Variants in ACOT4 observed in about 807,000 individuals in gnomAD.
ACOT4 encodes acyl-CoA thioesterase 4, also known as peroxisomal succinyl-coenzyme A thioesterase.
In ACOT4, 18 loss-of-function variants were observed where a neutral mutation model predicts 17.1. The ratio of observed to expected loss-of-function variants is 1.05; its 90% CI spans 0.73 to 1.56. The LOEUF (loss-of-function observed/expected upper bound fraction) is 1.56, where lower values mean the gene tolerates loss of function less well. Ranked by LOEUF, ACOT4 falls within the 40% of genes most tolerant of loss-of-function variation. The probability of loss-of-function intolerance (pLI) is 0.00; values close to 1 mark genes in which losing one functional copy is unlikely to be tolerated. For synonymous variants in ACOT4, 234 were observed against 236.6 expected, an observed-to-expected ratio of 0.99 and a Z score of 0.10; for missense variants, 574 against 557.2, an observed-to-expected ratio of 1.03 and a Z score of -0.30.
At chr14:73,594,524 G>T (rs1890213311) in intron 2 of ACOT4, among the ~76,000 whole-genome samples, 2 of 152,148 alleles carry the variant, frequency 1.3e-5, no homozygotes, top group Non-Finnish European at 2.9e-5. Context: ...GTGATTTTAA[G>T]ATGTGTTTGC....
At position 73,592,196 on chromosome 14, in the gene ACOT4, G is replaced by T. The variant is rs1452314280; in HGVS notation, c.237G>T (p.Gly79=). ...GCTTCGCGGGACTCGAGCCCATGGG[G>T]CTGCTCTGGGCCCTGGAACCCGAGA... ...GGSFAGLEPM[G]LLWALEPEKP... Residue 79 remains glycine, a synonymous_variant, in exon 1 of 3, where the codon GGG becomes GGT. Transcript: ENST00000326303. The T allele has an allele frequency of 6.8e-6, 11 of 1,611,168 alleles. No individual in the cohort carries two copies. The highest frequency in any genetic ancestry group is 8.5e-6 in the Non-Finnish European group (10 of 1,178,830).
Position 73,595,051 on chromosome 14 carries a change from A to C in ACOT4, c.663A>C (p.Val221=), listed in dbSNP as rs1193355944. ...AVCYMLQHPQ[V]KGPGIGLLGI... ...TCTCCTCTCTTCTTTTCTTCCAGGT[A>C]AAAGGCCCAGGCATTGGGCTTTTGG... The change falls in exon 3 of 3, where the codon GTA becomes GTC. Residue 221 remains valine, a splice_region_variant and synonymous_variant. Coordinates refer to ENST00000326303, the MANE Select transcript of ACOT4 (RefSeq NM_152331.4). 1 of 1,612,842 alleles carries C rather than the reference A, an allele frequency of 6.2e-7. No individual in the cohort carries two copies. Among genetic ancestry groups the C allele is most frequent in the Non-Finnish European group, 8.5e-7 (1 of 1,179,648 alleles).
rs769712013 is a variant in ACOT4 at position 73,592,269 on chromosome 14, G to A, written c.310G>A (p.Val104Met). 3.7e-6 allele frequency: 6 copies of A among 1,613,046 alleles called. No homozygotes were observed. The East Asian group carries it at 1.1e-4, about 30-fold the overall frequency. Residue 104 changes from valine to methionine, a missense_variant, in exon 1 of 3, where the codon GTG becomes ATG. By Grantham distance (21) the Val-to-Met change is conservative (BLOSUM62 1). Coordinates refer to ENST00000326303, the MANE Select transcript of ACOT4 (RefSeq NM_152331.4). ...GCGGGACGTACAGATTCCTTTTGTC[G>A]TGGAGTTGGAGGTGCTGGACGGCCA... ...LKRDVQIPFV[V>M]ELEVLDGHDP...
chr14:73,593,857 C>T lies in ACOT4; in HGVS notation c.613C>T (p.Leu205=). The change falls in exon 2 of 3, where the codon CTG becomes TTG. Residue 205 remains leucine (L), a synonymous_variant. Transcript: ENST00000326303. The part of the protein sequence containing the change: ...DLPNNMDNIS[L]EYFEEAVCYM... ...CCCCAATAACATGGACAACATATCC[C>T]TGGAGTACTTCGAAGAAGCCGTATG... The T allele has an allele frequency of 6.2e-7, 1 of 1,613,958 alleles. No homozygotes were observed. Among genetic ancestry groups the T allele is most frequent in the Middle Eastern group, 1.6e-4 (1 of 6,062 alleles).
At position 73,592,104 on chromosome 14, in the gene ACOT4, C is replaced by A; in HGVS notation, c.145C>A (p.His49Asn). The A allele has an allele frequency of 6.6e-7, 1 of 1,507,910 alleles. No individual in the cohort carries two copies. Among genetic ancestry groups the A allele is most frequent in the Non-Finnish European group, 8.8e-7 (1 of 1,130,762 alleles). The allele number at this position is 1,507,910 out of a possible 1,614,324, so 93.4% of individuals were successfully genotyped here. ...CGAGAAGGGCGCGCTCTTCCGGGCCCACGCGCGCTACTGCGCCGACGCCCG... is the reference window on the plus strand; with the variant it reads ...CGAGAAGGGCGCGCTCTTCCGGGCCAACGCGCGCTACTGCGCCGACGCCCG... ...RDEKGALFRAHARYCADARGE... is the reference protein window; with the variant it reads ...RDEKGALFRANARYCADARGE... The change falls in exon 1 of 3, where the codon CAC becomes AAC. Residue 49 changes from histidine to asparagine, a missense_variant. Physicochemically the swap from His to Asn is moderately conservative, Grantham distance 68 (BLOSUM62 1). Coordinates refer to ENST00000326303, the MANE Select transcript of ACOT4 (RefSeq NM_152331.4).
At chr14:73,593,670 A>G in intron 1 of ACOT4, 32 bp from the exon 2 acceptor site, 1 of 1,561,924 alleles carries the variant, frequency 6.4e-7, no homozygotes, top group South Asian at 1.2e-5. Flanking sequence ...AAATTGTATA[A>G]TGGCTTACAT....
Position 73,595,541 on chromosome 14 carries a change from G to C in ACOT4, c.1153G>C (p.Gly385Arg). ...HRLLNKHVIW[G>R]GEPRAHSKAQ... Reference sequence around the variant, plus strand: ...ATTACTGAACAAACATGTTATATGGGGTGGGGAGCCCAGGGCTCATTCTAA... The same window carrying C: ...ATTACTGAACAAACATGTTATATGGCGTGGGGAGCCCAGGGCTCATTCTAA... Residue 385 changes from glycine to arginine, a missense_variant, in exon 3 of 3, where the codon GGT (glycine) becomes CGT (arginine). Gly to Arg is a moderately radical substitution (Grantham distance 125). Transcript: ENST00000326303. 6.2e-7 allele frequency: 1 copy of C among 1,609,408 alleles called. No homozygotes were observed. The highest frequency in any genetic ancestry group is 8.5e-7 in the Non-Finnish European group (1 of 1,176,216).
rs139986473 is a variant in ACOT4 at position 73,592,664 on chromosome 14, C to T, written c.457+248C>T. 6.6e-3 allele frequency among the ~76,000 whole-genome samples: 1,003 copies of T among 152,212 alleles called. 15 individuals carry two copies. The highest frequency in any genetic ancestry group is 0.023 in the African/African-American group (967 of 41,522). On this transcript the variant is annotated intron_variant, in intron 1 of 2. Transcript: ENST00000326303. ...GATCAGGAGTTTGAGACCAGACTGG[C>T]CAGCATGGTGAAACGCTGACTCTAC...
chr14:73,592,200 C>T lies in ACOT4; in HGVS notation c.241C>T (p.Leu81Phe), dbSNP rs1255051947. Reference protein sequence around the residue: ...SFAGLEPMGLLWALEPEKPFW... With the variant: ...SFAGLEPMGLFWALEPEKPFW... ...CGCGGGACTCGAGCCCATGGGGCTG[C>T]TCTGGGCCCTGGAACCCGAGAAGCC... The change falls in exon 1 of 3, where the codon CTC becomes TTC. Residue 81 changes from leucine to phenylalanine, a missense_variant. Physicochemically the swap from Leu to Phe is conservative, Grantham distance 22. Transcript: ENST00000326303. 1.2e-6 allele frequency: 2 copies of T among 1,612,186 alleles called. No individual in the cohort carries two copies. The highest frequency in any genetic ancestry group is 2.2e-5 in the South Asian group (2 of 90,852).
rs1220000305 is a variant in ACOT4 at position 73,592,081 on chromosome 14, A to G, written c.122A>G (p.Glu41Gly). ...RVTLRASLRD[E>G]KGALFRAHAR... Reference sequence around the variant, plus strand: ...ACGCTGCGCGCGTCCCTGCGCGACGAGAAGGGCGCGCTCTTCCGGGCCCAC... The same window carrying G: ...ACGCTGCGCGCGTCCCTGCGCGACGGGAAGGGCGCGCTCTTCCGGGCCCAC... The change falls in exon 1 of 3, where the codon GAG (glutamate) becomes GGG (glycine). Residue 41 changes from glutamate to glycine, a missense_variant. By Grantham distance (98) the Glu-to-Gly change is moderately conservative (BLOSUM62 -2). Transcript: ENST00000326303. 6.7e-7 allele frequency: 1 copy of G among 1,487,444 alleles called. No individual in the cohort carries two copies. Among genetic ancestry groups the G allele is most frequent in the Non-Finnish European group, 8.9e-7 (1 of 1,120,464 alleles). 92.1% of individuals were successfully genotyped at this position (1,487,444 alleles called of 1,614,324 possible). A position where few individuals can be genotyped will look rare whatever the true frequency, so the allele number is the denominator to read the frequency against.
At chr14:73,593,205 C>T (rs529966970) in intron 1 of ACOT4, among the ~76,000 whole-genome samples, 8 of 152,162 alleles carry the variant, frequency 5.3e-5, no homozygotes, top group Admixed American at 3.3e-4. Flanking sequence ...TCACCTAAAA[C>T]CATCTCTGGG....
rs141552215 is a variant in ACOT4 at position 73,595,716 on chromosome 14, T to C, written c.*62T>C. 105 of 1,483,708 alleles carry C rather than the reference T, an allele frequency of 7.1e-5. No individual in the cohort carries two copies. The African/African-American group carries it at 1.2e-3, about 17-fold the overall frequency. 91.9% of individuals were successfully genotyped at this position (1,483,708 alleles called of 1,614,324 possible). ...CAGATTCTAGTGTTCAGTAACCCTA[T>C]GTGAATCAGATGTCTCCTGGATAAC... is the stretch of plus-strand genomic sequence containing the variant. On this transcript the variant is annotated 3_prime_UTR_variant, in exon 3 of 3. Transcript: ENST00000326303.
In ACOT4 at chr14:73,592,056, A is replaced by C. The variant is rs1364314510; in HGVS notation, c.97A>C (p.Thr33Pro). The C allele has an allele frequency of 4.1e-6, 6 of 1,478,288 alleles. No homozygotes were observed. In the Admixed American group the frequency reaches 1.0e-4, roughly 25 times the overall value. The allele number at this position is 1,478,288 out of a possible 1,614,324, so 91.6% of individuals were successfully genotyped here. Residue 33 changes from threonine (T) to proline (P), a missense_variant, in exon 1 of 3, where the codon ACG becomes CCG. Transcript: ENST00000326303. ...CGGCCTGGCCCCGGAGCAGCGGGTT[A>C]CGCTGCGCGCGTCCCTGCGCGACGA... ...VRGLAPEQRV[T>P]LRASLRDEKG...
chr14:73,593,461 C>T (rs1362780458), intron 1 of ACOT4, among the ~76,000 whole-genome samples: 2 of 150,160 alleles, frequency 1.3e-5, no homozygotes, highest in African/African-American at 2.5e-5. Context: ...TCCATTGCCT[C>T]CCAAGTAGCT....
intron 2 of ACOT4, among the ~76,000 whole-genome samples, chr14:73,594,679 T>TATTC (rs1242361404): frequency 8.4e-4 from 123 of 146,212 alleles, no homozygotes; most frequent in African/African-American, 3.0e-3. Flanking sequence ...ATAAGTTATT[T>TATTC]ATTTATTTAT....
At chr14:73,593,423 T>C (rs8015288) in intron 1 of ACOT4, among the ~76,000 whole-genome samples, 85,487 of 144,452 alleles carry the variant, frequency 0.59, 27,040 homozygotes, top group East Asian at 0.9. Context: ...ACTGCAGCCT[T>C]GACCTCTGGG....
Position 73,595,052 on chromosome 14 carries a change from A to G in ACOT4, c.664A>G (p.Lys222Glu), listed in dbSNP as rs1361328305. Reference sequence around the variant, plus strand: ...CTCCTCTCTTCTTTTCTTCCAGGTAAAAGGCCCAGGCATTGGGCTTTTGGG... The same window carrying G: ...CTCCTCTCTTCTTTTCTTCCAGGTAGAAGGCCCAGGCATTGGGCTTTTGGG... ...VCYMLQHPQV[K>E]GPGIGLLGIS... The change falls in exon 3 of 3, where the codon AAA (lysine) becomes GAA (glutamate). Residue 222 changes from lysine (K) to glutamate (E), a missense_variant. Transcript: ENST00000326303. 3.1e-6 allele frequency: 5 copies of G among 1,612,824 alleles called. No homozygotes were observed. The highest frequency in any genetic ancestry group is 4.5e-5 in the East Asian group (2 of 44,886).
In ACOT4 at chr14:73,595,033, T is replaced by C; in HGVS notation, c.661-16T>C. ...ATAAGTTATTGACTCAACTCTCCTC[T>C]CTTCTTTTCTTCCAGGTAAAAGGCC... On this transcript the variant is annotated splice_polypyrimidine_tract_variant and intron_variant, in intron 2 of 2. Transcript: ENST00000326303. The C allele has an allele frequency of 6.2e-7, 1 of 1,611,684 alleles. No individual in the cohort carries two copies. Among genetic ancestry groups the C allele is most frequent in the Non-Finnish European group, 8.5e-7 (1 of 1,179,330 alleles).
chr14:73,594,051 C>T (rs1395649664), intron 2 of ACOT4, 147 bp downstream of exon 2: 1 of 559,072 alleles, frequency 1.8e-6, no homozygotes, highest in Non-Finnish European at 2.9e-6. Context: ...GCTATTTCCA[C>T]TTTTTCTGTC....
Sources: gnomAD v4.1 joint callset for allele counts (sites outside exome capture counted in the v4.1 genomes callset) on GRCh38, gnomAD v4.1.1 for gene constraint, MANE v1.5 for transcripts, NCBI Gene and HGNC (gene_info 2026-07-23, HGNC 2026-07-21) for gene names.